Variants in CHRM3 observed in about 807,000 individuals in gnomAD.
The protein encoded by CHRM3 is cholinergic receptor muscarinic 3.
Under a neutral mutation model 41.8 loss-of-function variants are expected in CHRM3, and 11 were observed. The ratio of observed to expected loss-of-function variants is 0.26; its 90% confidence interval spans 0.17 to 0.44. The LOEUF is 0.44. Ranked by LOEUF, CHRM3 falls within the 20% of genes least tolerant of loss-of-function variation. The pLI is 1.00. For synonymous variants in CHRM3, 297 were observed against 301.4 expected (o/e 0.99, Z 0.15); for missense variants, 571 against 745.4 (o/e 0.77, Z 2.72).
chr1:239,619,077 G>A (rs147883180), intron 3 of CHRM3, among the ~76,000 whole-genome samples: 1,582 of 151,462 alleles, frequency 0.01, 13 homozygotes, highest in Middle Eastern at 0.034. Context: ...ACCATGCCCA[G>A]CTAATTTTTG....
chr1:239,714,453 A>G (rs1662135029), intron 5 of CHRM3, among the ~76,000 whole-genome samples: 1 of 152,124 alleles, frequency 6.6e-6, no homozygotes, highest in Non-Finnish European at 1.5e-5. Flanking sequence ...TTAAGCTGAG[A>G]CCCGAAAGGT....
At chr1:239,581,353 C>A (rs550653569) in intron 3 of CHRM3, among the ~76,000 whole-genome samples, 2 of 151,310 alleles carry the variant, frequency 1.3e-5, no homozygotes, top group African/African-American at 4.9e-5. Flanking sequence ...ATCTTGTTTA[C>A]AGTCTCACAG....
chr1:239,467,025 AAAT>A (rs929989013), intron 1 of CHRM3, among the ~76,000 whole-genome samples: 1 of 152,066 alleles, frequency 6.6e-6, no homozygotes, highest in Non-Finnish European at 1.5e-5. Flanking sequence ...CATTTTTTTC[AAAT>A]AATAAGGAAA....
intron 1 of CHRM3, among the ~76,000 whole-genome samples, chr1:239,421,111 G>A (rs1661923868): frequency 1.3e-5 from 2 of 152,158 alleles, no homozygotes; most frequent in Non-Finnish European, 2.9e-5. Context: ...TTTAAGGGTT[G>A]ACCCAACCTT....
chr1:239,466,875 A>T (rs189017912), intron 1 of CHRM3, among the ~76,000 whole-genome samples: 47 of 152,300 alleles, frequency 3.1e-4, no homozygotes, highest in Admixed American at 1.4e-3. Flanking sequence ...GAAACTAGCT[A>T]AAAGGTTTCA....
intron 6 of CHRM3, among the ~76,000 whole-genome samples, chr1:239,899,576 T>A (rs1054196161): frequency 1.3e-5 from 2 of 151,654 alleles, no homozygotes; most frequent in African/African-American, 4.9e-5. Flanking sequence ...TGTGTGTGTA[T>A]ATATATAGTA....
chr1:239,469,667 C>T (rs1665976656), intron 1 of CHRM3, among the ~76,000 whole-genome samples: 1 of 152,162 alleles, frequency 6.6e-6, no homozygotes, highest in African/African-American at 2.4e-5. Context: ...AGCAATTCTC[C>T]TGCCTCAGCC....
chr1:239,404,719 A>C (rs374729965), intron 1 of CHRM3, among the ~76,000 whole-genome samples: 7 of 97,340 alleles, frequency 7.2e-5, no homozygotes, highest in African/African-American at 2.4e-4. Flanking sequence ...GCTATATCTA[A>C]ATATATATAT....
chr1:239,660,695 CAACATGG>C (rs1367734650), intron 4 of CHRM3, among the ~76,000 whole-genome samples: 2 of 152,014 alleles, frequency 1.3e-5, no homozygotes, highest in Non-Finnish European at 2.9e-5. Context: ...CCAGCCTGGC[CAACATGG>C]CAAAACCCAG....
chr1:239,598,015 A>G (rs1665010110), intron 3 of CHRM3, among the ~76,000 whole-genome samples: 1 of 152,110 alleles, frequency 6.6e-6, no homozygotes, highest in East Asian at 1.9e-4. Context: ...TCACTTCTGC[A>G]TCATAAAATT....
intron 5 of CHRM3, among the ~76,000 whole-genome samples, chr1:239,686,170 A>G (rs759983230): frequency 3.3e-5 from 5 of 152,174 alleles, no homozygotes; most frequent in South Asian, 2.1e-4. Context: ...AGAGTAATCT[A>G]TAATTTTAAA....
chr1:239,837,413 A>T lies in CHRM3; in HGVS notation c.-20+10035A>T, dbSNP rs969266984. The stretch of plus-strand genomic sequence containing the variant: ...TTCCTGACATTACCGATTACCTTTC[A>T]GCTAGGAAGGACTCTGAAGCAGGGA... On this transcript the variant is annotated intron_variant, in intron 6 of 6. Coordinates refer to ENST00000676153, the MANE Select transcript of CHRM3 (RefSeq NM_001375978.1). 1.7e-4 allele frequency among the ~76,000 whole-genome samples: 26 copies of T among 152,316 alleles called. 1 individual carries two copies. Among genetic ancestry groups the T allele is most frequent in the African/African-American group, 6.3e-4 (26 of 41,564 alleles).
intron 3 of CHRM3, among the ~76,000 whole-genome samples, chr1:239,607,836 G>C (rs1398286090): frequency 6.6e-6 from 1 of 151,846 alleles, no homozygotes; most frequent in Admixed American, 6.6e-5. Context: ...TGCAATGCTT[G>C]TTTCTTTGCT....
chr1:239,530,922 A>G (rs1269405876), intron 2 of CHRM3, among the ~76,000 whole-genome samples: 2 of 152,202 alleles, frequency 1.3e-5, no homozygotes, highest in African/African-American at 4.8e-5. Flanking sequence ...TGCAGAAATA[A>G]TGGCCAAAAC....
intron 5 of CHRM3, among the ~76,000 whole-genome samples, chr1:239,777,058 T>C (rs576299312): frequency 6.6e-6 from 1 of 152,300 alleles, no homozygotes; most frequent in East Asian, 1.9e-4. Context: ...GTATATCCTT[T>C]ATCCATGAGC....
At chr1:239,887,382 A>G (rs1307430416) in intron 6 of CHRM3, among the ~76,000 whole-genome samples, 1 of 152,064 alleles carries the variant, frequency 6.6e-6, no homozygotes, top group Admixed American at 6.6e-5. Context: ...TTGTATTTCT[A>G]GTAGAGACGG....
At chr1:239,430,244 G>A (rs888323118) in intron 1 of CHRM3, among the ~76,000 whole-genome samples, 3 of 151,740 alleles carry the variant, frequency 2.0e-5, no homozygotes, top group Non-Finnish European at 4.4e-5. Context: ...GGGATTACAG[G>A]TGTGAGCCAC....
At chr1:239,721,884 T>C (rs577300064) in intron 5 of CHRM3, among the ~76,000 whole-genome samples, 1 of 151,858 alleles carries the variant, frequency 6.6e-6, no homozygotes, top group African/African-American at 2.4e-5. Flanking sequence ...TTGCAGCAGG[T>C]GAGCGAGGGA....
intron 6 of CHRM3, among the ~76,000 whole-genome samples, chr1:239,836,696 G>A (rs1673348027): frequency 6.6e-6 from 1 of 152,122 alleles, no homozygotes; most frequent in African/African-American, 2.4e-5. Context: ...AGGTGGAGGG[G>A]GCCTGGCGTG....
Sources: gnomAD v4.1 joint callset for allele counts (sites outside exome capture counted in the v4.1 genomes callset) on GRCh38, gnomAD v4.1.1 for gene constraint, MANE v1.5 for transcripts, NCBI Gene and HGNC (gene_info 2026-07-23, HGNC 2026-07-21) for gene names.